The following NRXN1 variants were observed in gnomAD, a reference collection of about 807,000 sequenced individuals.
NRXN1 encodes neurexin 1.
Under a neutral mutation model 150.9 loss-of-function variants are expected in NRXN1, and 39 were observed. The observed-to-expected ratio is 0.26, with a 90% CI of 0.20 to 0.34. NRXN1 has a LOEUF of 0.34. Ranked by LOEUF, NRXN1 falls within the 10% of genes least tolerant of loss-of-function variation. The probability of loss-of-function intolerance (pLI) is 1.00; values close to 1 mark genes in which losing one functional copy is unlikely to be tolerated. For missense variants in NRXN1, 1,815 were observed against 1,949.9 expected (o/e 0.93, Z 1.30); for synonymous variants, 924 against 757.0 (o/e 1.22, Z -3.62).
intron 22 of NRXN1, among the ~76,000 whole-genome samples, chr2:49,937,953 A>G (rs1386786012): frequency 6.6e-6 from 1 of 152,136 alleles, no homozygotes; most frequent in Non-Finnish European, 1.5e-5. Flanking sequence ...CTTTATTCCT[A>G]ATGTGTTTAA....
rs1258178180 is a variant in NRXN1 at position 49,921,956 on chromosome 2, C to G, written c.4512G>C (p.Glu1504Asp). 6.2e-7 allele frequency: 1 copy of G among 1,613,982 alleles called. No individual in the cohort carries two copies. Among genetic ancestry groups the G allele is most frequent in the Non-Finnish European group, 8.5e-7 (1 of 1,179,996 alleles). Residue 1504 changes from glutamate to aspartate, a missense_variant, in exon 23 of 23, where the codon GAG becomes GAC. Coordinates refer to ENST00000401669, the MANE Select transcript of NRXN1 (RefSeq NM_001330078.2). ...SNKNKKNKDK[E>D]YYV ...TAAGATCTTGGGATCAGACATAATA[C>G]TCTTTATCCTTGTTTTTCTTATTTT...
rs546118811 is a variant in NRXN1 at position 50,277,021 on chromosome 2, G to A, written c.3365-40051C>T. On this transcript the variant is annotated intron_variant, in intron 17 of 22. Transcript: ENST00000401669. ...CTGTATGACAAACAGTTCTACAGAAGGATAGCCTTACCTTTTAATTAACAC... is the reference window on the plus strand; with the variant it reads ...CTGTATGACAAACAGTTCTACAGAAAGATAGCCTTACCTTTTAATTAACAC... Among the ~76,000 whole-genome samples the A allele has an allele frequency of 2.0e-5, 3 of 152,114 alleles. No homozygotes were observed. In the South Asian group the frequency reaches 6.2e-4, roughly 32 times the overall value.
chr2:50,090,482 T>C (rs1699407075), intron 19 of NRXN1, among the ~76,000 whole-genome samples: 2 of 152,158 alleles, frequency 1.3e-5, no homozygotes, highest in Admixed American at 1.3e-4. Flanking sequence ...CTGATGCTTT[T>C]AGTAATAGAG....
At chr2:50,698,816 G>T (rs565207340) in intron 5 of NRXN1, among the ~76,000 whole-genome samples, 1 of 152,168 alleles carries the variant, frequency 6.6e-6, no homozygotes, top group Admixed American at 6.5e-5. Context: ...CCATGCTTTT[G>T]CTATTCATTG....
At chr2:51,006,449 G>C (rs1478322959) in intron 2 of NRXN1, among the ~76,000 whole-genome samples, 1 of 151,828 alleles carries the variant, frequency 6.6e-6, no homozygotes, top group Non-Finnish European at 1.5e-5. Flanking sequence ...AATGCTAAAT[G>C]ACAAGTTAAT....
intron 5 of NRXN1, among the ~76,000 whole-genome samples, chr2:50,684,093 T>C (rs1273667203): frequency 1.3e-5 from 2 of 152,272 alleles, no homozygotes; most frequent in African/African-American, 4.8e-5. Flanking sequence ...ATCACCAAAC[T>C]ACAATACAGT....
chr2:50,536,782 C>T (rs2093271717), intron 10 of NRXN1, among the ~76,000 whole-genome samples: 1 of 152,064 alleles, frequency 6.6e-6, no homozygotes, highest in African/African-American at 2.4e-5. Context: ...ACTAAACAAA[C>T]AAACTAAAAT....
At chr2:50,979,656 A>G (rs1575113996) in intron 2 of NRXN1, among the ~76,000 whole-genome samples, 1 of 152,244 alleles carries the variant, frequency 6.6e-6, no homozygotes, top group South Asian at 2.1e-4. Context: ...TGTCTCAGTT[A>G]AATCTGGCAA....
chr2:50,862,762 T>A (rs368109572), intron 5 of NRXN1, among the ~76,000 whole-genome samples: 43 of 152,158 alleles, frequency 2.8e-4, no homozygotes, highest in African/African-American at 9.9e-4. Context: ...TAGACATGAA[T>A]CACCTTTTCA....
At chr2:50,309,668 T>C (rs2074995772) in intron 17 of NRXN1, among the ~76,000 whole-genome samples, 1 of 152,114 alleles carries the variant, frequency 6.6e-6, no homozygotes, top group Non-Finnish European at 1.5e-5. Flanking sequence ...AGAGGCGACA[T>C]GCTTCCAGCC....
At chr2:51,023,443 A>T (rs1288032391) in intron 2 of NRXN1, among the ~76,000 whole-genome samples, 1 of 152,160 alleles carries the variant, frequency 6.6e-6, no homozygotes, top group African/African-American at 2.4e-5. Flanking sequence ...CTGCATCAGA[A>T]TTCTGTTCCT....
chr2:50,811,831 C>A (rs1668254156), intron 5 of NRXN1, among the ~76,000 whole-genome samples: 1 of 152,040 alleles, frequency 6.6e-6, no homozygotes. Flanking sequence ...TTGATTTCTG[C>A]TGGAGTAAAT....
At chr2:50,054,704 T>C (rs1693327339) in intron 20 of NRXN1, among the ~76,000 whole-genome samples, 1 of 152,160 alleles carries the variant, frequency 6.6e-6, no homozygotes, top group South Asian at 2.1e-4. Flanking sequence ...AGTTAGTGGA[T>C]TATATTTAAC....
intron 5 of NRXN1, among the ~76,000 whole-genome samples, chr2:50,654,664 T>C (rs898800485): frequency 2.7e-4 from 41 of 152,096 alleles, no homozygotes; most frequent in Admixed American, 2.5e-3. Context: ...AAAGTGTTCC[T>C]ATTTCTCCAC....
intron 12 of NRXN1, among the ~76,000 whole-genome samples, chr2:50,509,521 C>A (rs2092370674): frequency 6.6e-6 from 1 of 152,172 alleles, no homozygotes; most frequent in East Asian, 1.9e-4. Flanking sequence ...TTCTGGTGGT[C>A]TCAGCATTCC....
Position 49,982,177 on chromosome 2 carries a change from T to A in NRXN1, c.4129-38386A>T, listed in dbSNP as rs192141992. Among the ~76,000 whole-genome samples the A allele has an allele frequency of 1.5e-3, 227 of 152,214 alleles. 4 individuals carry two copies. The highest frequency in any genetic ancestry group is 0.012 in the Admixed American group (185 of 15,276). On this transcript the variant is annotated intron_variant, in intron 21 of 22. Transcript: ENST00000401669. Reference sequence around the variant, plus strand: ...ACACAATGTCTTTCATTTGGAGAGATAGAAGATTGATAAATCTAGAAAAAG... The same window carrying A: ...ACACAATGTCTTTCATTTGGAGAGAAAGAAGATTGATAAATCTAGAAAAAG...
intron 21 of NRXN1, among the ~76,000 whole-genome samples, chr2:50,026,365 T>C (rs1346392992): frequency 1.3e-5 from 2 of 152,240 alleles, no homozygotes; most frequent in Non-Finnish European, 2.9e-5. Context: ...CTGGAGAGTG[T>C]AGTTTTTCAT....
At chr2:50,468,233 A>T (rs1182187098) in intron 16 of NRXN1, among the ~76,000 whole-genome samples, 1 of 151,630 alleles carries the variant, frequency 6.6e-6, no homozygotes, top group Non-Finnish European at 1.5e-5. Flanking sequence ...ACAATGCTAA[A>T]CTCTAAAAAT....
intron 17 of NRXN1, among the ~76,000 whole-genome samples, chr2:50,369,679 G>C (rs1438059195): frequency 1.3e-5 from 2 of 151,954 alleles, no homozygotes; most frequent in African/African-American, 4.8e-5. Flanking sequence ...CATATCTGAA[G>C]CTAACGGGCA....
Sources: gnomAD v4.1 joint callset for allele counts (sites outside exome capture counted in the v4.1 genomes callset) on GRCh38, gnomAD v4.1.1 for gene constraint, MANE v1.5 for transcripts, NCBI Gene and HGNC (gene_info 2026-07-23, HGNC 2026-07-21) for gene names.